Variants in SCAMP2 observed in about 807,000 individuals in gnomAD.
SCAMP2 encodes secretory carrier membrane protein 2, also known as secretory carrier-associated membrane protein 2.
SCAMP2 carries 25 observed loss-of-function variants against 44.1 expected under a neutral mutation model. That is an observed-to-expected ratio of 0.57 (90% CI 0.41 to 0.79). SCAMP2 has a LOEUF of 0.79. Among genes scored for constraint, SCAMP2 ranks in the 30% least tolerant of loss-of-function variants. SCAMP2 has a pLI of 0.00. For synonymous variants in SCAMP2, 156 were observed against 166.0 expected, an observed-to-expected ratio of 0.94 and a Z score of 0.46; for missense variants, 355 against 411.0, an observed-to-expected ratio of 0.86 and a Z score of 1.18.
At position 74,845,045 on chromosome 15, in the gene SCAMP2, G is replaced by A. The variant is rs1399438922; in HGVS notation, c.*38C>T. 1.3e-6 allele frequency: 2 copies of A among 1,598,698 alleles called. No homozygotes were observed. The highest frequency in any genetic ancestry group is 1.1e-5 in the South Asian group (1 of 89,666). On this transcript the variant is annotated 3_prime_UTR_variant, in exon 9 of 9. Coordinates refer to ENST00000268099, the MANE Select transcript of SCAMP2 (RefSeq NM_005697.5). Reference sequence around the variant, plus strand: ...CACGGAAAGTGCAGCTCAGAAGGCAGGCGAGAGAAAGGCTGAGGGGGAGAG... The same window carrying A: ...CACGGAAAGTGCAGCTCAGAAGGCAAGCGAGAGAAAGGCTGAGGGGGAGAG...
rs201179982 is a variant in SCAMP2 at position 74,851,398 on chromosome 15, C to G, written c.427G>C (p.Ala143Pro). Residue 143 changes from alanine to proline, a missense_variant, in exon 5 of 9, where the codon GCC becomes CCC. Transcript: ENST00000268099. ...FYQDFSTEIP[A>P]DYQRICKMLY... The stretch of plus-strand genomic sequence containing the variant: ...ATCTTGCATATCCGCTGGTAGTCGG[C>G]AGGGATCTCTGTGGAGAAATCCTGA... The G allele has an allele frequency of 1.0e-4, 162 of 1,614,110 alleles. 1 individual carries two copies. Among genetic ancestry groups the G allele is most frequent in the Admixed American group, 1.2e-4 (7 of 60,014 alleles).
In SCAMP2 at chr15:74,854,659, T is replaced by TG; in HGVS notation, c.58-11dup. The TG allele has an allele frequency of 6.2e-7, 1 of 1,604,656 alleles. No homozygotes were observed. The highest frequency in any genetic ancestry group is 8.5e-7 in the Non-Finnish European group (1 of 1,175,804). On this transcript the variant is annotated splice_polypyrimidine_tract_variant and intron_variant, in intron 1 of 8. Transcript: ENST00000268099. ...GGGTCACAGAGGGATCCTGAGAAGG[T>TG]GAAAAAAAGCCCTTAGACACAGTGG...
At chr15:74,860,952 A>C (rs1241545827) in intron 1 of SCAMP2, among the ~76,000 whole-genome samples, 1 of 151,986 alleles carries the variant, frequency 6.6e-6, no homozygotes, top group East Asian at 1.9e-4. Context: ...AGGCGGGTAG[A>C]TCACCTGAGG....
intron 7 of SCAMP2, among the ~76,000 whole-genome samples, chr15:74,847,932 A>G (rs1319846198): frequency 6.6e-6 from 1 of 152,174 alleles, no homozygotes; most frequent in Non-Finnish European, 1.5e-5. Context: ...CTGGGCATCC[A>G]TCAGCTTTCA....
chr15:74,845,380 C>T (rs765268439), intron 8 of SCAMP2, 93 bp downstream of exon 8: 2 of 1,604,194 alleles, frequency 1.2e-6, no homozygotes, highest in Non-Finnish European at 8.5e-7. Flanking sequence ...CCTAGGATGC[C>T]CAACTGCAGT....
intron 5 of SCAMP2, 64 bp from the exon 6 acceptor site, chr15:74,850,737 C>A: frequency 1.9e-6 from 3 of 1,548,262 alleles, no homozygotes; most frequent in Non-Finnish European, 2.7e-6. Flanking sequence ...TCCAATGTGG[C>A]AGCCACTCCC....
At chr15:74,856,566 C>T (rs1017116744) in intron 1 of SCAMP2, among the ~76,000 whole-genome samples, 20 of 151,270 alleles carry the variant, frequency 1.3e-4, no homozygotes, top group African/African-American at 4.1e-4. Context: ...TGAGCCACTG[C>T]ACCTGGCCTC....
chr15:74,853,155 C>T (rs1204075575), intron 3 of SCAMP2: 2 of 327,722 alleles, frequency 6.1e-6, no homozygotes, highest in East Asian at 8.1e-5. Context: ...AGAACTGACC[C>T]CGCTGTGCCA....
At chr15:74,856,264 CTTTTTTTTTT>C (rs34812536) in intron 1 of SCAMP2, among the ~76,000 whole-genome samples, 11 of 60,420 alleles carry the variant, frequency 1.8e-4, no homozygotes, top group Admixed American at 8.1e-4. Flanking sequence ...AGAGCCAGTT[CTTTTTTTTTT>C]TTTTTTTTTT....
At chr15:74,866,450 C>T (rs992337036) in intron 1 of SCAMP2, among the ~76,000 whole-genome samples, 42 of 152,194 alleles carry the variant, frequency 2.8e-4, no homozygotes, top group African/African-American at 1.0e-3. Flanking sequence ...GTGGCTCACA[C>T]CTGTAATCCT....
chr15:74,860,387 C>G (rs1413047179), intron 1 of SCAMP2, among the ~76,000 whole-genome samples: 1 of 148,512 alleles, frequency 6.7e-6, no homozygotes, highest in Non-Finnish European at 1.5e-5. Flanking sequence ...AACCCCATCT[C>G]TATTAAAAAT....
intron 1 of SCAMP2, among the ~76,000 whole-genome samples, chr15:74,871,713 C>T (rs577951159): frequency 4.6e-5 from 7 of 151,500 alleles, no homozygotes; most frequent in Admixed American, 4.6e-4. Context: ...GATCGCGCCA[C>T]TGCACTCCAG....
chr15:74,856,229 C>A (rs1239414965), intron 1 of SCAMP2, among the ~76,000 whole-genome samples: 1 of 151,242 alleles, frequency 6.6e-6, no homozygotes, highest in Non-Finnish European at 1.5e-5. Flanking sequence ...TCAGGCCCAG[C>A]CTCACCTCCA....
At chr15:74,860,548 C>T (rs753421016) in intron 1 of SCAMP2, among the ~76,000 whole-genome samples, 18 of 151,866 alleles carry the variant, frequency 1.2e-4, no homozygotes, top group South Asian at 4.1e-4. Context: ...ATTAGCTGGG[C>T]GTGGTGGCAG....
At chr15:74,862,568 T>C (rs1350545245) in intron 1 of SCAMP2, among the ~76,000 whole-genome samples, 1 of 151,920 alleles carries the variant, frequency 6.6e-6, no homozygotes, top group Non-Finnish European at 1.5e-5. Context: ...AGAGTGAGAC[T>C]CCATCTCAAT....
chr15:74,846,460 AAAG>A (rs200709622), intron 7 of SCAMP2, among the ~76,000 whole-genome samples: 27,086 of 80,642 alleles, frequency 0.34, 2,952 homozygotes, highest in East Asian at 0.55. Flanking sequence ...AAAAAAAAAA[AAAG>A]AAAAGAAAAA....
chr15:74,855,640 C>T (rs1429659204), intron 1 of SCAMP2, among the ~76,000 whole-genome samples: 3 of 149,956 alleles, frequency 2.0e-5, no homozygotes, highest in Admixed American at 6.7e-5. Context: ...CACTTGAACC[C>T]GGGAGGCAGA....
At chr15:74,853,521 G>C (rs2064448947) in intron 3 of SCAMP2, 1 of 454,074 alleles carries the variant, frequency 2.2e-6, no homozygotes, top group Non-Finnish European at 4.4e-6. Flanking sequence ...TCCACCATGG[G>C]TCACGCTCAT....
intron 3 of SCAMP2, chr15:74,853,288 A>G (rs996132986): frequency 2.5e-6 from 1 of 405,654 alleles, no homozygotes; most frequent in Non-Finnish European, 5.1e-6. Flanking sequence ...TCACCTCCAC[A>G]GGGCTCTGGG....
Sources: gnomAD v4.1 joint callset for allele counts (sites outside exome capture counted in the v4.1 genomes callset) on GRCh38, gnomAD v4.1.1 for gene constraint, MANE v1.5 for transcripts, NCBI Gene and HGNC (gene_info 2026-07-23, HGNC 2026-07-21) for gene names.